The following DOCK1 variants were observed in gnomAD, a reference collection of about 807,000 sequenced individuals.
DOCK1 encodes dedicator of cytokinesis protein 1.
Under a neutral mutation model 262.7 loss-of-function variants are expected in DOCK1, and 138 were observed. The ratio of observed to expected loss-of-function variants is 0.53; its 90% CI spans 0.46 to 0.61. The LOEUF (loss-of-function observed/expected upper bound fraction) is 0.61, where lower values mean the gene tolerates loss of function less well. DOCK1 is among the 20% of genes least tolerant of loss of function. The pLI, the probability that DOCK1 is intolerant of heterozygous loss-of-function variation, is 0.00. For synonymous variants in DOCK1, 866 were observed against 867.4 expected (o/e 1.00, Z 0.03); for missense variants, 1,908 against 2,370.7 (o/e 0.80, Z 4.05).
intron 29 of DOCK1, among the ~76,000 whole-genome samples, chr10:127,288,772 T>TTC (rs1257134406): frequency 3.0e-5 from 3 of 99,696 alleles, no homozygotes; most frequent in East Asian, 7.2e-4. Flanking sequence ...ATGTATATAT[T>TTC]TCACACACAC....
intron 27 of DOCK1, among the ~76,000 whole-genome samples, chr10:127,128,453 A>T (rs774582022): frequency 6.7e-6 from 1 of 149,418 alleles, no homozygotes; most frequent in East Asian, 2.0e-4. Context: ...TGCGTGTGCC[A>T]TGGTGGTCTG....
rs759567078 is a variant in DOCK1, at chr10:127,224,560, GA to G, written c.2848-23433del. Among the ~76,000 whole-genome samples the G allele has an allele frequency of 4.9e-3, 624 of 128,332 alleles. 3 individuals carry two copies. The highest frequency in any genetic ancestry group is 0.014 in the African/African-American group (475 of 35,096). The allele number at this position is 128,332 out of a possible 152,430, so 84.2% of individuals were successfully genotyped here. ...GGTGACAAAACAAGACTCTGCTTCA[GA>G]AAAAAAAAAAAAAATTGGTGTGGTA... On this transcript the variant is annotated intron_variant, in intron 27 of 51. Coordinates refer to ENST00000623213, the MANE Select transcript of DOCK1 (RefSeq NM_001290223.2).
chr10:126,994,043 G>C (rs1289555753), intron 6 of DOCK1, among the ~76,000 whole-genome samples: 1 of 151,930 alleles, frequency 6.6e-6, no homozygotes, highest in Non-Finnish European at 1.5e-5. Flanking sequence ...TTTTCATATT[G>C]TTAAAAAAGC....
At chr10:127,323,619 C>A (rs2062631865) in intron 29 of DOCK1, among the ~76,000 whole-genome samples, 1 of 152,156 alleles carries the variant, frequency 6.6e-6, no homozygotes, top group African/African-American at 2.4e-5. Flanking sequence ...GGCCACTGAT[C>A]CGTGGGGTGC....
At chr10:127,334,112 C>G (rs942626289) in intron 29 of DOCK1, among the ~76,000 whole-genome samples, 3 of 151,984 alleles carry the variant, frequency 2.0e-5, no homozygotes, top group Non-Finnish European at 4.4e-5. Context: ...GTGATACATG[C>G]ATTCATTGTG....
chr10:127,213,354 G>T (rs572129308), intron 27 of DOCK1, among the ~76,000 whole-genome samples: 1 of 152,266 alleles, frequency 6.6e-6, no homozygotes, highest in Admixed American at 6.5e-5. Flanking sequence ...CTTTGGAAAG[G>T]TTCTATGCCT....
Position 127,037,602 on chromosome 10 carries a change from T to C in DOCK1, c.1913-117T>C, listed in dbSNP as rs947876339. On this transcript the variant is annotated intron_variant, in intron 18 of 51. Transcript: ENST00000623213. Reference sequence around the variant, plus strand: ...TATTTAGCAGGTGAATCTTTTAAAATAGGGTTGATTTCTCTGTTCACAAAA... The same window carrying C: ...TATTTAGCAGGTGAATCTTTTAAAACAGGGTTGATTTCTCTGTTCACAAAA... The C allele has an allele frequency of 6.9e-5, 53 of 771,704 alleles. 1 individual carries two copies. The Admixed American group carries it at 1.1e-3, about 15-fold the overall frequency. The allele number at this position is 771,704 out of a possible 1,614,324, so 47.8% of individuals were successfully genotyped here.
chr10:126,948,326 GT>G lies in DOCK1; in HGVS notation c.47-22374del, dbSNP rs2035766159. Among the ~76,000 whole-genome samples, 4 of 15,478 alleles carry G rather than the reference GT, an allele frequency of 2.6e-4. 1 individual carries two copies. The highest frequency in any genetic ancestry group is 6.3e-4 in the Admixed American group (1 of 1,576). 10.2% of individuals were successfully genotyped at this position (15,478 alleles called of 152,430 possible). A position where few individuals can be genotyped will look rare whatever the true frequency, so the allele number is the denominator to read the frequency against. On this transcript the variant is annotated intron_variant, in intron 1 of 51. Transcript: ENST00000623213. ...ATTACTGTTGGTGGTGATGGTGGTG[GT>G]TGGTAGTATTACTGTTGGTGGTGAT... is the stretch of plus-strand genomic sequence containing the variant.
intron 25 of DOCK1, among the ~76,000 whole-genome samples, chr10:127,116,927 A>G (rs1434465698): frequency 5.9e-5 from 9 of 152,220 alleles, no homozygotes; most frequent in African/African-American, 2.2e-4. Flanking sequence ...ATAATGGTGG[A>G]ATGTAAACAT....
chr10:127,235,288 G>A (rs183150749), intron 27 of DOCK1, among the ~76,000 whole-genome samples: 30 of 151,966 alleles, frequency 2.0e-4, no homozygotes, highest in African/African-American at 4.6e-4. Flanking sequence ...TTCCATTTCC[G>A]TAAAAATATT....
At chr10:127,177,206 C>T (rs1052048222) in intron 27 of DOCK1, 8 of 151,632 alleles carry the variant, frequency 5.3e-5, no homozygotes, top group South Asian at 2.1e-4. Flanking sequence ...TCACAACCTC[C>T]GAAAATGAAA....
chr10:127,123,047 T>C (rs2049710567), intron 25 of DOCK1, among the ~76,000 whole-genome samples: 1 of 152,222 alleles, frequency 6.6e-6, no homozygotes, highest in Non-Finnish European at 1.5e-5. Context: ...AGCCCAGTGC[T>C]ATGTTCCTCT....
intron 29 of DOCK1, among the ~76,000 whole-genome samples, chr10:127,336,199 C>T (rs1408609480): frequency 7.2e-5 from 11 of 152,026 alleles, no homozygotes; most frequent in African/African-American, 1.7e-4. Flanking sequence ...GTGATTGGCC[C>T]GGGGCATAGC....
chr10:126,981,771 C>A, intron 3 of DOCK1, 147 bp from the exon 4 acceptor site: 1 of 729,564 alleles, frequency 1.4e-6, no homozygotes, highest in Non-Finnish European at 2.2e-6. Context: ...TTTTCTACTT[C>A]TTTGTGTTTT....
intron 29 of DOCK1, among the ~76,000 whole-genome samples, chr10:127,305,501 G>T (rs1274897188): frequency 6.6e-6 from 1 of 152,114 alleles, no homozygotes; most frequent in Non-Finnish European, 1.5e-5. Flanking sequence ...GGGACACTTG[G>T]ATATACATGA....
chr10:127,288,210 A>C (rs2061227870), intron 29 of DOCK1, among the ~76,000 whole-genome samples: 2 of 152,274 alleles, frequency 1.3e-5, no homozygotes, highest in South Asian at 4.1e-4. Flanking sequence ...TTGTTCCACT[A>C]GGAGTCTTTT....
intron 4 of DOCK1, among the ~76,000 whole-genome samples, chr10:126,985,072 C>T (rs7075346): frequency 0.46 from 68,601 of 150,270 alleles, 16,113 homozygotes; most frequent in East Asian, 0.65. Context: ...CCTCTGCCTC[C>T]TGCGTTCAAG....
chr10:127,361,106 CTTTTTTTTTTT>C (rs1175942298), intron 32 of DOCK1, among the ~76,000 whole-genome samples: 41 of 87,428 alleles, frequency 4.7e-4, no homozygotes, highest in African/African-American at 4.8e-5. Context: ...TAAAGTAGTT[CTTTTTTTTTTT>C]TTTTTTTTTT....
intron 1 of DOCK1, among the ~76,000 whole-genome samples, chr10:126,954,963 T>A (rs960998623): frequency 0.017 from 2,539 of 152,272 alleles, 75 homozygotes; most frequent in African/African-American, 0.058. Context: ...AGTTGTATAT[T>A]TAACTTTTGA....
Sources: gnomAD v4.1 joint callset for allele counts (sites outside exome capture counted in the v4.1 genomes callset) on GRCh38, gnomAD v4.1.1 for gene constraint, MANE v1.5 for transcripts, NCBI Gene and HGNC (gene_info 2026-07-23, HGNC 2026-07-21) for gene names.